AAK1: variants seen among roughly 807,000 people sequenced by gnomAD.
AAK1 encodes AP2-associated protein kinase 1.
Under a neutral mutation model 116.0 loss-of-function variants are expected in AAK1, and 37 were observed. The observed-to-expected ratio is 0.32, with a 90% confidence interval of 0.25 to 0.42. AAK1 has a LOEUF of 0.42. Among genes scored for constraint, AAK1 ranks in the 10% least tolerant of loss-of-function variants. The probability of loss-of-function intolerance (pLI) is 1.00; values close to 1 mark genes in which losing one functional copy is unlikely to be tolerated. For synonymous variants in AAK1, 458 were observed against 439.9 expected (o/e 1.04, Z -0.51); for missense variants, 919 against 1,170.6 (o/e 0.79, Z 3.14).
intron 17 of AAK1, among the ~76,000 whole-genome samples, chr2:69,487,648 C>T (rs1049684773): frequency 6.6e-6 from 1 of 152,028 alleles, no homozygotes; most frequent in African/African-American, 2.4e-5. Flanking sequence ...GGGGATAGAC[C>T]AATGAAACCC....
In AAK1 at chr2:69,532,061, T is replaced by A; in HGVS notation, c.636A>T (p.Ala212=). 2.5e-6 allele frequency: 4 copies of A among 1,613,532 alleles called. No individual in the cohort carries two copies. The highest frequency in any genetic ancestry group is 3.4e-6 in the Non-Finnish European group (4 of 1,179,514). Residue 212 remains alanine, a synonymous_variant, in exon 6 of 22, where the codon GCA becomes GCT. Coordinates refer to ENST00000409085, the MANE Select transcript of AAK1 (RefSeq NM_014911.5). ...CTTACTTCTTAATCTCATCTTCTAC[T>A]GCATTGACTCCCTCAGTTTGTGGAT... ...FQNPQTEGVN[A]VEDEIKKYTT... is the part of the protein sequence containing the mutation.
intron 2 of AAK1, among the ~76,000 whole-genome samples, chr2:69,619,763 C>T (rs55660260): frequency 0.13 from 20,038 of 152,032 alleles, 3,062 homozygotes; most frequent in African/African-American, 0.36. Context: ...ATTCCACAGG[C>T]AAGGGGAACA....
At chr2:69,576,331 G>GT (rs372589562) in intron 2 of AAK1, among the ~76,000 whole-genome samples, 8 of 149,590 alleles carry the variant, frequency 5.3e-5, no homozygotes, top group South Asian at 2.1e-4. Context: ...TATGCTTGAG[G>GT]TTTTTTTTTT....
rs547178818 is a variant in AAK1 at position 69,629,147 on chromosome 2, G to A, written c.163+13731C>T. Among the ~76,000 whole-genome samples the A allele has an allele frequency of 3.9e-3, 599 of 152,258 alleles. 4 individuals carry two copies. Among genetic ancestry groups the A allele is most frequent in the African/African-American group, 0.014 (561 of 41,548 alleles). On this transcript the variant is annotated intron_variant, in intron 2 of 21. Coordinates refer to ENST00000409085, the MANE Select transcript of AAK1 (RefSeq NM_014911.5). ...TTGAGGTTCTCTCCTTTTCTGGCTGGACCTGGAGCCAATCTATGCATTTTC... is the reference window on the plus strand; with the variant it reads ...TTGAGGTTCTCTCCTTTTCTGGCTGAACCTGGAGCCAATCTATGCATTTTC...
At position 69,544,482 on chromosome 2, in the gene AAK1, A is replaced by G; in HGVS notation, c.345T>C (p.Ser115=). ...GYIDSSINNV[S]SGDVWEVLIL... ...TGAGCACTTCCCATACATCACCGCT[A>G]CTCACGTTGTTGATACTAGAATCAA... Residue 115 remains serine, a synonymous_variant, in exon 4 of 22, where the codon AGT becomes AGC. Coordinates refer to ENST00000409085, the MANE Select transcript of AAK1 (RefSeq NM_014911.5). 6.2e-7 allele frequency: 1 copy of G among 1,613,842 alleles called. No individual in the cohort carries two copies. Among genetic ancestry groups the G allele is most frequent in the East Asian group, 2.2e-5 (1 of 44,872 alleles).
At chr2:69,640,084 C>CT (rs1675651324) in intron 2 of AAK1, among the ~76,000 whole-genome samples, 1 of 151,606 alleles carries the variant, frequency 6.6e-6, no homozygotes, top group Non-Finnish European at 1.5e-5. Flanking sequence ...CTCTCTCCCC[C>CT]CCCACATATA....
intron 16 of AAK1, among the ~76,000 whole-genome samples, chr2:69,499,261 C>A (rs1410598465): frequency 2.0e-5 from 3 of 152,204 alleles, no homozygotes; most frequent in African/African-American, 7.2e-5. Flanking sequence ...CTCAGCCCTT[C>A]CTTGGACTTC....
At chr2:69,594,997 G>A in intron 2 of AAK1, 2 of 774,896 alleles carry the variant, frequency 2.6e-6, no homozygotes, top group Non-Finnish European at 4.6e-6. Context: ...GTGTCACTTT[G>A]TGGGGTTGGT....
chr2:69,529,167 A>G (rs1168593843), intron 8 of AAK1, among the ~76,000 whole-genome samples: 1 of 152,216 alleles, frequency 6.6e-6, no homozygotes, highest in Non-Finnish European at 1.5e-5. Flanking sequence ...GGATTTTAAG[A>G]ATTAAATGAG....
chr2:69,612,223 T>C (rs1004078079), intron 2 of AAK1, among the ~76,000 whole-genome samples: 2 of 152,216 alleles, frequency 1.3e-5, no homozygotes, highest in African/African-American at 4.8e-5. Context: ...AAAAATAATG[T>C]GAATGTACTT....
Position 69,520,829 on chromosome 2 carries a change from C to A in AAK1, c.1210+5G>T, listed in dbSNP as rs1321439110. The A allele has an allele frequency of 1.3e-6, 2 of 1,540,218 alleles. No homozygotes were observed. The highest frequency in any genetic ancestry group is 1.7e-6 in the Non-Finnish European group (2 of 1,150,530). On this transcript the variant is annotated splice_donor_5th_base_variant and intron_variant, in intron 11 of 21. Coordinates refer to ENST00000409085, the MANE Select transcript of AAK1 (RefSeq NM_014911.5). ...ATTGAGTTTCAAACCAATCTAGATA[C>A]AAACCTGCAGCCTGAGGTGGGGGCT...
chr2:69,495,941 T>C (rs1407356283), intron 17 of AAK1, 44 bp downstream of exon 17: 4 of 1,497,906 alleles, frequency 2.7e-6, no homozygotes, highest in Admixed American at 2.0e-5. Flanking sequence ...GCCTGGGACA[T>C]GCAAATCAAG....
At chr2:69,488,069 C>T (rs1247157619) in intron 17 of AAK1, among the ~76,000 whole-genome samples, 2 of 151,726 alleles carry the variant, frequency 1.3e-5, no homozygotes, top group Admixed American at 6.6e-5. Flanking sequence ...CCACTGTGCT[C>T]GGCCAAGTTT....
chr2:69,600,183 G>A (rs1673506061), intron 2 of AAK1, among the ~76,000 whole-genome samples: 1 of 151,350 alleles, frequency 6.6e-6, no homozygotes, highest in African/African-American at 2.4e-5. Context: ...GGACTTTGAA[G>A]ACAAAAAAGA....
chr2:69,530,761 C>A, intron 6 of AAK1, 55 bp from the exon 7 acceptor site: 1 of 1,348,420 alleles, frequency 7.4e-7, no homozygotes, highest in Non-Finnish European at 1.1e-6. Flanking sequence ...AATTAAAAAC[C>A]AGGAGCAGCA....
chr2:69,533,617 T>C (rs1670346719), intron 5 of AAK1, among the ~76,000 whole-genome samples: 1 of 152,222 alleles, frequency 6.6e-6, no homozygotes, highest in Non-Finnish European at 1.5e-5. Flanking sequence ...GAGGAGCTTT[T>C]TGTTTTTGTT....
rs578261202 is a variant in AAK1 at position 69,586,703 on chromosome 2, T to A, written c.164-29725A>T. ...TATCACAAAAGAGTTGGAAAGATTATCCCTAGGGCCACTCCCGGGCTCACA... is the reference window on the plus strand; with the variant it reads ...TATCACAAAAGAGTTGGAAAGATTAACCCTAGGGCCACTCCCGGGCTCACA... On this transcript the variant is annotated intron_variant, in intron 2 of 21. Transcript: ENST00000409085. 2.0e-5 allele frequency among the ~76,000 whole-genome samples: 3 copies of A among 152,284 alleles called. No individual in the cohort carries two copies. In the East Asian group the frequency reaches 5.8e-4, roughly 29 times the overall value.
chr2:69,544,084 G>T (rs1048946232), intron 4 of AAK1, among the ~76,000 whole-genome samples: 1 of 152,180 alleles, frequency 6.6e-6, no homozygotes, highest in Non-Finnish European at 1.5e-5. Flanking sequence ...GGGAGTTGGG[G>T]AAGCTGCACT....
intron 2 of AAK1, among the ~76,000 whole-genome samples, chr2:69,572,708 C>T (rs546459963): frequency 6.0e-5 from 9 of 151,254 alleles, no homozygotes; most frequent in African/African-American, 2.2e-4. Context: ...GCACTTGAGG[C>T]GAGTGGCTCA....
Sources: gnomAD v4.1 joint callset for allele counts (sites outside exome capture counted in the v4.1 genomes callset) on GRCh38, gnomAD v4.1.1 for gene constraint, MANE v1.5 for transcripts, NCBI Gene and HGNC (gene_info 2026-07-23, HGNC 2026-07-21) for gene names.